SCN8A: variants seen among roughly 807,000 people sequenced by gnomAD.
SCN8A encodes sodium voltage-gated channel alpha subunit 8, also known as sodium channel protein type 8 subunit alpha.
SCN8A carries 30 observed loss-of-function variants against 184.1 expected under a neutral mutation model. The ratio of observed to expected loss-of-function variants is 0.16; its 90% CI spans 0.12 to 0.22. SCN8A has a LOEUF of 0.22. Ranked by LOEUF, SCN8A falls within the 10% of genes least tolerant of loss-of-function variation. The pLI is 1.00. For missense variants in SCN8A, 1,057 were observed against 2,498.9 expected, an observed-to-expected ratio of 0.42 and a Z score of 12.30; for synonymous variants, 852 against 907.0, an observed-to-expected ratio of 0.94 and a Z score of 1.09.
At chr12:51,738,450 G>T (rs1310481565) in intron 12 of SCN8A, among the ~76,000 whole-genome samples, 1 of 152,210 alleles carries the variant, frequency 6.6e-6, no homozygotes, top group African/African-American at 2.4e-5. Context: ...ATAGAGAAAT[G>T]ATTGAAATGT....
intron 1 of SCN8A, among the ~76,000 whole-genome samples, chr12:51,637,602 C>T (rs962849720): frequency 6.6e-6 from 1 of 152,176 alleles, no homozygotes; most frequent in African/African-American, 2.4e-5. Context: ...GAGCAAGGCC[C>T]TAATTCTCTC....
intron 20 of SCN8A, among the ~76,000 whole-genome samples, chr12:51,780,448 T>G (rs1412181613): frequency 1.3e-5 from 2 of 151,990 alleles, no homozygotes; most frequent in African/African-American, 4.8e-5. Flanking sequence ...TTCCAGGTCA[T>G]TTGAGTCAAG....
At chr12:51,790,061 A>G (rs1938202816) in intron 24 of SCN8A, among the ~76,000 whole-genome samples, 2 of 152,352 alleles carry the variant, frequency 1.3e-5, no homozygotes, top group South Asian at 4.1e-4. Flanking sequence ...TCTAGAATGT[A>G]TCAGGAAAGC....
chr12:51,753,747 G>A (rs781469047), intron 14 of SCN8A, among the ~76,000 whole-genome samples: 6 of 152,206 alleles, frequency 3.9e-5, no homozygotes, highest in Non-Finnish European at 8.8e-5. Context: ...AAGATAAAAT[G>A]AGAACCTATA....
At chr12:51,794,689 T>G (rs1445551396) in intron 26 of SCN8A, 48 bp downstream of exon 26, 1 of 1,567,606 alleles carries the variant, frequency 6.4e-7, no homozygotes, top group Admixed American at 1.7e-5. Context: ...ACCTGACTGA[T>G]TGTGAGGATG....
At chr12:51,642,399 G>A (rs1940475092) in intron 1 of SCN8A, among the ~76,000 whole-genome samples, 1 of 152,164 alleles carries the variant, frequency 6.6e-6, no homozygotes, top group South Asian at 2.1e-4. Flanking sequence ...ATAAGGAAAT[G>A]CTCTGTAAAT....
chr12:51,768,745 C>T (rs1942875342), intron 16 of SCN8A, 120 bp from the exon 17 acceptor site: 1 of 763,394 alleles, frequency 1.3e-6, no homozygotes, highest in Middle Eastern at 3.2e-4. Context: ...GGGCCAAACA[C>T]AACACAACAG....
intron 1 of SCN8A, among the ~76,000 whole-genome samples, chr12:51,619,606 G>A (rs1478178981): frequency 2.6e-5 from 4 of 152,054 alleles, no homozygotes; most frequent in Non-Finnish European, 4.4e-5. Context: ...TTCAAACTCA[G>A]GTTAACATTT....
At chr12:51,697,060 A>G (rs1245331087) in intron 6 of SCN8A, among the ~76,000 whole-genome samples, 1 of 151,950 alleles carries the variant, frequency 6.6e-6, no homozygotes, top group Non-Finnish European at 1.5e-5. Context: ...AAAATGAAAA[A>G]GAAACACAAT....
chr12:51,725,995 T>A lies in SCN8A; in HGVS notation c.1998+4087T>A, dbSNP rs77118036. Among the ~76,000 whole-genome samples, 409 of 152,336 alleles carry A rather than the reference T, an allele frequency of 2.7e-3. 10 individuals carry two copies. Among genetic ancestry groups the A allele is most frequent in the African/African-American group, 9.0e-3 (376 of 41,576 alleles). On this transcript the variant is annotated intron_variant, in intron 12 of 26. Transcript: ENST00000627620. ...TGCACGCACTGGTCTCACACAATAT[T>A]CCTGCTTAGGCTATGCCAAATCTAT...
At chr12:51,679,071 G>A (rs978673084) in intron 2 of SCN8A, among the ~76,000 whole-genome samples, 2 of 134,836 alleles carry the variant, frequency 1.5e-5, no homozygotes, top group African/African-American at 2.7e-5. Context: ...GCGAGGCTCC[G>A]TCTCCAAAAA....
chr12:51,774,896 C>T (rs890474166), intron 20 of SCN8A, among the ~76,000 whole-genome samples: 1 of 152,100 alleles, frequency 6.6e-6, no homozygotes, highest in Non-Finnish European at 1.5e-5. Flanking sequence ...AAATAAAATA[C>T]CCCCTTCTTC....
At chr12:51,717,806 G>T (rs555722359) in intron 11 of SCN8A, among the ~76,000 whole-genome samples, 19 of 152,136 alleles carry the variant, frequency 1.2e-4, no homozygotes, top group Non-Finnish European at 2.4e-4. Flanking sequence ...ATAAGTCAGG[G>T]TCATCCTGTT....
intron 21 of SCN8A, among the ~76,000 whole-genome samples, chr12:51,783,785 T>C (rs1937995473): frequency 6.6e-6 from 1 of 152,220 alleles, no homozygotes; most frequent in Non-Finnish European, 1.5e-5. Flanking sequence ...ATAGTATTTA[T>C]TGAGCAACAA....
chr12:51,771,124 A>G (rs188872447), intron 19 of SCN8A, among the ~76,000 whole-genome samples: 8 of 152,348 alleles, frequency 5.3e-5, no homozygotes, highest in African/African-American at 1.9e-4. Context: ...AAGGTTATTT[A>G]TATTCACATT....
intron 26 of SCN8A, among the ~76,000 whole-genome samples, chr12:51,803,416 C>CA (rs1468811044): frequency 6.6e-6 from 1 of 152,050 alleles, no homozygotes; most frequent in African/African-American, 2.4e-5. Flanking sequence ...TCCACAGACT[C>CA]AAATGTTAAT....
chr12:51,640,450 C>A (rs79211733), intron 1 of SCN8A, among the ~76,000 whole-genome samples: 2,784 of 151,390 alleles, frequency 0.018, 84 homozygotes, highest in African/African-American at 0.064. Context: ...ATCTAAAATA[C>A]CAGGAGGGAG....
At chr12:51,804,539 G>T (rs140086857) in intron 26 of SCN8A, among the ~76,000 whole-genome samples, 2 of 148,564 alleles carry the variant, frequency 1.3e-5, no homozygotes, top group Admixed American at 6.7e-5. Flanking sequence ...GCCCAGGCTG[G>T]AGTGCAGTGG....
At chr12:51,687,284 G>A in intron 5 of SCN8A, 65 bp downstream of exon 5, 1 of 1,582,290 alleles carries the variant, frequency 6.3e-7, no homozygotes, top group Non-Finnish European at 8.7e-7. Context: ...TGTACTCCTG[G>A]GTCTGTTTGT....
Sources: allele counts gnomAD v4.1 joint callset (sites outside exome capture counted in the v4.1 genomes callset), GRCh38; gene constraint gnomAD v4.1.1; transcripts MANE v1.5; gene names NCBI Gene and HGNC (gene_info 2026-07-23, HGNC 2026-07-21).